The following SLC14A2 variants were observed in gnomAD, a reference collection of about 807,000 sequenced individuals.
SLC14A2 encodes the protein urea transporter 2.
A neutral mutation model predicts 104.6 loss-of-function variants in SLC14A2; 91 were observed. The observed-to-expected ratio is 0.87, with a 90% CI of 0.73 to 1.04. The LOEUF (loss-of-function observed/expected upper bound fraction) is 1.04. SLC14A2 is among the 50% of genes least tolerant of loss of function. The probability of loss-of-function intolerance (pLI) is 0.00; values close to 1 mark genes in which losing one functional copy is unlikely to be tolerated. For synonymous variants in SLC14A2, 476 were observed against 466.4 expected, an observed-to-expected ratio of 1.02 and a Z score of -0.27; for missense variants, 1,189 against 1,156.0, an observed-to-expected ratio of 1.03 and a Z score of -0.41.
intron 13 of SLC14A2, 67 bp from the exon 14 acceptor site, chr18:45,667,766 T>A (rs1205178067): frequency 7.5e-7 from 1 of 1,326,618 alleles, no homozygotes; most frequent in Non-Finnish European, 1.1e-6. Flanking sequence ...CCTCACACCC[T>A]CCATCTGCCC....
At chr18:45,545,608 CA>C (rs1180401179) in intron 2 of SLC14A2, among the ~76,000 whole-genome samples, 11 of 152,204 alleles carry the variant, frequency 7.2e-5, no homozygotes, top group African/African-American at 2.2e-4. Flanking sequence ...TCAGTATTGT[CA>C]GACACCATGC....
At chr18:45,379,751 A>G (rs2085813631) in intron 1 of SLC14A2, among the ~76,000 whole-genome samples, 1 of 152,118 alleles carries the variant, frequency 6.6e-6, no homozygotes, top group South Asian at 2.1e-4. Context: ...TTTAGATAAA[A>G]TCCTCCCCAC....
At chr18:45,594,132 C>T (rs1170105186) in intron 2 of SLC14A2, among the ~76,000 whole-genome samples, 1 of 152,156 alleles carries the variant, frequency 6.6e-6, no homozygotes, top group Non-Finnish European at 1.5e-5. Context: ...AGGATACAGA[C>T]TGCAAGAGTG....
rs753898635 is a variant in SLC14A2 at position 45,624,647 on chromosome 18, T to A, written c.-18T>A. The stretch of plus-strand genomic sequence containing the variant: ...TCCGTCTAGTCCATCGATAGAAGAG[T>A]GGCTGTGACCCGAAGGAATGTCTGA... On this transcript the variant is annotated 5_prime_UTR_variant, in exon 2 of 20. Transcript: ENST00000255226. The A allele has an allele frequency of 1.6e-5, 26 of 1,603,588 alleles. No individual in the cohort carries two copies. Among genetic ancestry groups the A allele is most frequent in the Non-Finnish European group, 2.1e-5 (25 of 1,174,450 alleles).
chr18:45,208,573 G>A (rs1232753506), upstream of SLC14A2, among the ~76,000 whole-genome samples: 1 of 152,210 alleles, frequency 6.6e-6, no homozygotes, highest in Admixed American at 6.5e-5. Context: ...ACTCAGGAAT[G>A]TGTGTGCCCT....
intron 1 of SLC14A2, among the ~76,000 whole-genome samples, chr18:45,222,261 A>G (rs2084069990): frequency 6.6e-6 from 1 of 152,190 alleles, no homozygotes; most frequent in African/African-American, 2.4e-5. Context: ...CTTTCTGCCA[A>G]AAAAAGTATA....
At chr18:45,275,839 G>A (rs930030372) in intron 1 of SLC14A2, among the ~76,000 whole-genome samples, 1 of 152,162 alleles carries the variant, frequency 6.6e-6, no homozygotes, top group Non-Finnish European at 1.5e-5. Flanking sequence ...CAATGAGGGA[G>A]ATAGATAACT....
Position 45,644,072 on chromosome 18 carries a change from A to C in SLC14A2, c.1263A>C (p.Arg421Ser), listed in dbSNP as rs752594422. Residue 421 changes from arginine (R) to serine (S), a missense_variant, in exon 10 of 20, where the codon AGA (arginine) becomes AGC (serine). Physicochemically the swap from Arg to Ser is moderately radical, Grantham distance 110 (BLOSUM62 -1). Transcript: ENST00000255226. ...LLTTNNPAIF[R>S]LPLSKVTYPE... Reference sequence around the variant, plus strand: ...CGACAAACAACCCAGCCATCTTCAGACTCCCACTCAGCAAAGTCACCTACC... The same window carrying C: ...CGACAAACAACCCAGCCATCTTCAGCCTCCCACTCAGCAAAGTCACCTACC... The C allele has an allele frequency of 6.2e-7, 1 of 1,613,966 alleles. No homozygotes were observed. The highest frequency in any genetic ancestry group is 1.1e-5 in the South Asian group (1 of 91,058).
At chr18:45,195,798 G>A in the SLC14A2 span, among the ~76,000 whole-genome samples, 10 of 152,222 alleles carry the variant, frequency 6.6e-5, no homozygotes, top group African/African-American at 2.4e-4. Context: ...TAATAGAATA[G>A]CGTAGGATTG....
chr18:45,387,602 T>G (rs1341846051), intron 1 of SLC14A2, among the ~76,000 whole-genome samples: 2 of 152,160 alleles, frequency 1.3e-5, no homozygotes, highest in African/African-American at 4.8e-5. Context: ...GAAATACATA[T>G]CCAGATCAAA....
chr18:45,251,273 CTA>C (rs1404945769), intron 1 of SLC14A2, among the ~76,000 whole-genome samples: 1 of 152,142 alleles, frequency 6.6e-6, no homozygotes, highest in Non-Finnish European at 1.5e-5. Context: ...TGAGAACATA[CTA>C]TGTTTGCTTT....
chr18:45,497,138 GTA>G (rs571483214), intron 2 of SLC14A2, among the ~76,000 whole-genome samples: 31 of 152,072 alleles, frequency 2.0e-4, no homozygotes, highest in Non-Finnish European at 4.3e-4. Flanking sequence ...GTGTATATGT[GTA>G]TATATACACA....
intron 1 of SLC14A2, among the ~76,000 whole-genome samples, chr18:45,280,673 T>C (rs2084753271): frequency 6.6e-6 from 1 of 152,122 alleles, no homozygotes; most frequent in South Asian, 2.1e-4. Flanking sequence ...GCATTTGTCA[T>C]TGGGGTTTTC....
chr18:45,543,813 C>T (rs907077023), intron 2 of SLC14A2, among the ~76,000 whole-genome samples: 1 of 152,176 alleles, frequency 6.6e-6, no homozygotes, highest in African/African-American at 2.4e-5. Flanking sequence ...AAGAGTGTTC[C>T]CACCGTTGCC....
chr18:45,348,057 T>C (rs1321894500), intron 1 of SLC14A2, among the ~76,000 whole-genome samples: 2 of 152,188 alleles, frequency 1.3e-5, no homozygotes, highest in African/African-American at 4.8e-5. Context: ...CAATTGAAGC[T>C]CCTTGCCATC....
the SLC14A2 span, among the ~76,000 whole-genome samples, chr18:45,206,593 A>G: frequency 1.1e-4 from 17 of 152,314 alleles, no homozygotes; most frequent in African/African-American, 3.8e-4. Flanking sequence ...CTCCTTTATA[A>G]TTGAGCATCT....
chr18:45,634,460 A>G (rs1455061304), intron 5 of SLC14A2, among the ~76,000 whole-genome samples: 1 of 152,256 alleles, frequency 6.6e-6, no homozygotes, highest in East Asian at 1.9e-4. Flanking sequence ...GATTCCAGAC[A>G]TGTGTGCTCA....
intron 1 of SLC14A2, among the ~76,000 whole-genome samples, chr18:45,285,620 A>T (rs2084805306): frequency 6.8e-6 from 1 of 147,022 alleles, no homozygotes; most frequent in Non-Finnish European, 1.5e-5. Context: ...GTTTCCTCAT[A>T]TTGGCCAGGC....
At chr18:45,226,099 G>A (rs2084113518) in intron 1 of SLC14A2, among the ~76,000 whole-genome samples, 1 of 152,028 alleles carries the variant, frequency 6.6e-6, no homozygotes, top group African/African-American at 2.4e-5. Context: ...TCAGAGAAAT[G>A]CAATCAAAAC....
Sources: gnomAD v4.1 joint callset for allele counts (sites outside exome capture counted in the v4.1 genomes callset) on GRCh38, gnomAD v4.1.1 for gene constraint, MANE v1.5 for transcripts, NCBI Gene and HGNC (gene_info 2026-07-23, HGNC 2026-07-21) for gene names.